Variants in PPAT observed in about 807,000 individuals in gnomAD.
The protein encoded by PPAT is phosphoribosyl pyrophosphate amidotransferase.
In PPAT, 20 loss-of-function variants were observed where a neutral mutation model predicts 60.2. The ratio of observed to expected loss-of-function variants is 0.33; its 90% confidence interval spans 0.23 to 0.48. PPAT has a LOEUF of 0.48. Among genes scored for constraint, PPAT ranks in the 20% least tolerant of loss-of-function variants. The pLI, the probability that PPAT is intolerant of heterozygous loss-of-function variation, is 0.99. For missense variants in PPAT, 349 were observed against 629.6 expected (o/e 0.55, Z 4.77); for synonymous variants, 194 against 215.1 (o/e 0.90, Z 0.86).
At chr4:56,402,856 G>GGT (rs202085954) in intron 5 of PPAT, among the ~76,000 whole-genome samples, 184 bp downstream of exon 5, 1 of 136,306 alleles carries the variant, frequency 7.3e-6, no homozygotes, top group Non-Finnish European at 1.6e-5. Context: ...AAAGGGGGGG[G>GGT]ACTCATCCTC....
rs756868642 is a variant in PPAT at position 56,407,739 on chromosome 4, G to A, written c.129-23C>T. ...CCCCTGTGAATATAAAAAGATATTA[G>A]CTGTTAAATCTGCCAATTGATTAGC... On this transcript the variant is annotated intron_variant, in intron 1 of 10. Coordinates refer to ENST00000264220, the MANE Select transcript of PPAT (RefSeq NM_002703.5). The A allele has an allele frequency of 3.2e-6, 5 of 1,561,684 alleles. No homozygotes were observed. In the South Asian group the frequency reaches 5.6e-5, roughly 17 times the overall value.
rs761055747 is a variant in PPAT at position 56,406,681 on chromosome 4, G to A, written c.216C>T (p.His72=). The change falls in exon 3 of 11, where the codon CAC becomes CAT. Residue 72 remains histidine (H), a synonymous_variant. Coordinates refer to ENST00000264220, the MANE Select transcript of PPAT (RefSeq NM_002703.5). The part of the protein sequence containing the change: ...KSHKGMGLVN[H]VFTEDNLKKL... ...TTTTCAAATTGTCTTCAGTAAAGAC[G>A]TGATTTACAAGACCCATTCCCTTGA... The A allele has an allele frequency of 2.5e-6, 4 of 1,610,230 alleles. No homozygotes were observed. The South Asian group carries it at 3.3e-5, about 13-fold the overall frequency.
At chr4:56,422,731 T>C (rs551983499) in intron 1 of PPAT, 2 of 152,268 alleles carry the variant, frequency 1.3e-5, no homozygotes, top group South Asian at 4.1e-4. Flanking sequence ...GACGCTACCA[T>C]ACCTAAGAAA....
chr4:56,397,245 T>C (rs1716000341), intron 9 of PPAT, among the ~76,000 whole-genome samples: 2 of 152,326 alleles, frequency 1.3e-5, no homozygotes, highest in East Asian at 1.9e-4. Context: ...CACACTGATA[T>C]ATCAATTTAC....
rs1252671624 is a variant in PPAT at position 56,407,653 on chromosome 4, G to T, written c.192C>A (p.His64Gln). The T allele has an allele frequency of 1.3e-6, 2 of 1,596,838 alleles. No homozygotes were observed. Among genetic ancestry groups the T allele is most frequent in the Non-Finnish European group, 8.6e-7 (1 of 1,164,096 alleles). ...DGSSVPTFKS[H>Q]KGMGLVNHVF... ...ATTTCTTAAAGTTCAAATTTACCTT[G>T]TGTGATTTGAATGTTGGCACCGAAC... The change falls in exon 2 of 11, where the codon CAC becomes CAA. Residue 64 changes from histidine to glutamine, a missense_variant. His to Gln is a conservative substitution (Grantham distance 24). Coordinates refer to ENST00000264220, the MANE Select transcript of PPAT (RefSeq NM_002703.5).
chr4:56,416,069 C>CAAAA (rs34117895), intron 1 of PPAT, among the ~76,000 whole-genome samples: 1 of 139,452 alleles, frequency 7.2e-6, no homozygotes, highest in Non-Finnish European at 1.6e-5. Context: ...GACTCTGTCT[C>CAAAA]AAAAAAAAAA....
chr4:56,414,910 T>G (rs1325738218), intron 1 of PPAT, among the ~76,000 whole-genome samples: 2 of 152,230 alleles, frequency 1.3e-5, no homozygotes. Context: ...TTATAAAACC[T>G]GATTTAAAAT....
intron 1 of PPAT, among the ~76,000 whole-genome samples, chr4:56,429,647 T>TAA (rs1458238224): frequency 3.9e-5 from 6 of 152,212 alleles, no homozygotes; most frequent in Admixed American, 2.6e-4. Flanking sequence ...TAATGCCTTA[T>TAA]AGATTTATAA....
Position 56,402,095 on chromosome 4 carries a change from A to T in PPAT, c.734+14T>A. On this transcript the variant is annotated intron_variant, in intron 6 of 10. Coordinates refer to ENST00000264220, the MANE Select transcript of PPAT (RefSeq NM_002703.5). Reference sequence around the variant, plus strand: ...CATGGGAAAATAAAATATGTCAAACAAGGTAAAACTTACCTTGCACCAATA... The same window carrying T: ...CATGGGAAAATAAAATATGTCAAACTAGGTAAAACTTACCTTGCACCAATA... The T allele has an allele frequency of 1.3e-6, 2 of 1,524,764 alleles. No homozygotes were observed. Among genetic ancestry groups the T allele is most frequent in the Non-Finnish European group, 1.8e-6 (2 of 1,123,364 alleles). 94.5% of individuals were successfully genotyped at this position (1,524,764 alleles called of 1,614,324 possible).
rs755540789 is a variant in PPAT at position 56,399,214 on chromosome 4, T to C, written c.1201A>G (p.Ile401Val). Residue 401 changes from isoleucine to valine, a missense_variant, in exon 9 of 11, where the codon ATA becomes GTA. Physicochemically the swap from Ile to Val is conservative, Grantham distance 29. This residue lies in a region of PPAT where 167 missense variants were observed against 328.6 expected (regional missense o/e 0.51). Transcript: ENST00000264220. ...CCAGATTCTTTGAGCAGTTTTATTA[T>C]AGGTGAGATGGTATTGCCTCTGACA... ...SIVRGNTISPIIKLLKESGAK... is the reference protein window; with the variant it reads ...SIVRGNTISPVIKLLKESGAK... The C allele has an allele frequency of 6.2e-7, 1 of 1,613,666 alleles. No homozygotes were observed. Among genetic ancestry groups the C allele is most frequent in the African/African-American group, 1.3e-5 (1 of 75,044 alleles).
In PPAT at chr4:56,433,681, G is replaced by A. The variant is rs187673024; in HGVS notation, c.128+1669C>T. ...GATTCTCCCTCACCCCCATGACAGAGTATCCAAAATAACAACTGTTTTTTT... is the reference window on the plus strand; with the variant it reads ...GATTCTCCCTCACCCCCATGACAGAATATCCAAAATAACAACTGTTTTTTT... On this transcript the variant is annotated intron_variant, in intron 1 of 10. Coordinates refer to ENST00000264220, the MANE Select transcript of PPAT (RefSeq NM_002703.5). Among the ~76,000 whole-genome samples the A allele has an allele frequency of 3.0e-3, 432 of 146,328 alleles. 1 individual carries two copies. The highest frequency in any genetic ancestry group is 4.6e-3 in the Non-Finnish European group (310 of 67,140).
Position 56,402,837 on chromosome 4 carries a change from AAAAAAAAAAAAG to A in PPAT, c.661+191_661+202del, listed in dbSNP as rs1363815486. Reference sequence around the variant, plus strand: ...TCGGTCTCCAAAAAAAAAAAAAAAAAAAAAAAAAAAAGGGGGGGGACTCATCCTCAGGAGTAC... The same window carrying A: ...TCGGTCTCCAAAAAAAAAAAAAAAAAGGGGGGGACTCATCCTCAGGAGTAC... On this transcript the variant is annotated intron_variant, in intron 5 of 10. Transcript: ENST00000264220. Among the ~76,000 whole-genome samples, 126 of 122,782 alleles carry A rather than the reference AAAAAAAAAAAAG, an allele frequency of 1.0e-3. 3 individuals are homozygous for A. The highest frequency in any genetic ancestry group is 6.4e-3 in the South Asian group (24 of 3,766). 80.5% of individuals were successfully genotyped at this position (122,782 alleles called of 152,430 possible). A position where few individuals can be genotyped will look rare whatever the true frequency, so the allele number is the denominator to read the frequency against.
chr4:56,418,603 G>A (rs1716889145), intron 1 of PPAT, among the ~76,000 whole-genome samples: 1 of 152,206 alleles, frequency 6.6e-6, no homozygotes, highest in African/African-American at 2.4e-5. Flanking sequence ...ACAGGCCTGA[G>A]CCACCATGCC....
chr4:56,419,693 G>T (rs1716944578), intron 1 of PPAT: 2 of 983,056 alleles, frequency 2.0e-6, no homozygotes, highest in Non-Finnish European at 2.4e-6. Context: ...GAAAGCACTG[G>T]ACTGTGCCAG....
intron 1 of PPAT, chr4:56,429,080 T>G (rs1206197828): frequency 4.2e-6 from 1 of 238,134 alleles, no homozygotes; most frequent in Non-Finnish European, 6.8e-6. Flanking sequence ...AACAGAGATA[T>G]TTATTCCTGT....
At chr4:56,427,928 A>C (rs1243154269) in intron 1 of PPAT, among the ~76,000 whole-genome samples, 1 of 152,216 alleles carries the variant, frequency 6.6e-6, no homozygotes, top group African/African-American at 2.4e-5. Context: ...AATACAGTAG[A>C]GAAAGAAGGA....
chr4:56,427,010 G>C (rs1189378776), intron 1 of PPAT, among the ~76,000 whole-genome samples: 1 of 152,122 alleles, frequency 6.6e-6, no homozygotes, highest in African/African-American at 2.4e-5. Flanking sequence ...TCGTCCATTT[G>C]TGCCTGGCTT....
chr4:56,431,636 G>A, intron 1 of PPAT: 1 of 394,250 alleles, frequency 2.5e-6, no homozygotes, highest in Non-Finnish European at 3.5e-6. Context: ...TTCATTGAAT[G>A]GAAGGGCATG....
At chr4:56,433,730 T>C (rs1013205571) in intron 1 of PPAT, among the ~76,000 whole-genome samples, 2 of 151,250 alleles carry the variant, frequency 1.3e-5, no homozygotes, top group African/African-American at 2.4e-5. Context: ...AGTCTCGCTC[T>C]GTCGCCCAGG....
Sources: gnomAD v4.1 joint callset for allele counts (sites outside exome capture counted in the v4.1 genomes callset) on GRCh38, gnomAD v4.1.1 for gene constraint, gnomAD v4.1.1 regional missense constraint, MANE v1.5 for transcripts, NCBI Gene and HGNC (gene_info 2026-07-23, HGNC 2026-07-21) for gene names.